Variants in SLC38A11 observed in about 807,000 individuals in gnomAD.
The protein encoded by SLC38A11 is solute carrier family 38 member 11.
In SLC38A11, 51 loss-of-function variants were observed where a neutral mutation model predicts 49.4. The ratio of observed to expected loss-of-function variants is 1.03; its 90% CI spans 0.83 to 1.30. The LOEUF (loss-of-function observed/expected upper bound fraction) is 1.30. Among genes scored for constraint, SLC38A11 ranks in the 50% most tolerant of loss-of-function variants. The probability of loss-of-function intolerance (pLI) is 0.00; values close to 1 mark genes in which losing one functional copy is unlikely to be tolerated. For synonymous variants in SLC38A11, 203 were observed against 192.9 expected, an observed-to-expected ratio of 1.05 and a Z score of -0.43; for missense variants, 574 against 556.2, an observed-to-expected ratio of 1.03 and a Z score of -0.32.
Position 164,924,916 on chromosome 2 carries a change from G to A in SLC38A11, c.618-8943C>T, listed in dbSNP as rs143119757. 3.8e-3 allele frequency among the ~76,000 whole-genome samples: 579 copies of A among 151,836 alleles called. 4 individuals are homozygous for A. Among genetic ancestry groups the A allele is most frequent in the African/African-American group, 0.013 (534 of 41,400 alleles). On this transcript the variant is annotated intron_variant, in intron 7 of 11. Coordinates refer to ENST00000685975, the MANE Select transcript of SLC38A11 (RefSeq NM_001351537.2). ...TGCCCGGCTAATTTTTTGTATCCGC[G>A]CCCAGCTAATTTTTTGTATTTTTAG...
Position 164,897,376 on chromosome 2 carries a change from C to T in SLC38A11, c.*1061G>A, listed in dbSNP as rs571599516. 1 of 152,362 alleles carries T rather than the reference C, an allele frequency of 6.6e-6. No individual in the cohort carries two copies. The highest frequency in any genetic ancestry group is 2.1e-4 in the South Asian group (1 of 4,824). 9.4% of individuals were successfully genotyped at this position (152,362 alleles called of 1,614,324 possible). On this transcript the variant is annotated 3_prime_UTR_variant, in exon 12 of 12. Transcript: ENST00000685975. Reference sequence around the variant, plus strand: ...CAGCAGTATCAAAACTGGGCTATTACCCTTGAACAGGGACAACTCTGATGG... The same window carrying T: ...CAGCAGTATCAAAACTGGGCTATTATCCTTGAACAGGGACAACTCTGATGG...
At chr2:164,911,556 T>A (rs1414857643) in intron 10 of SLC38A11, 80 bp downstream of exon 10, 1 of 651,722 alleles carries the variant, frequency 1.5e-6, no homozygotes, top group Non-Finnish European at 2.4e-6. Context: ...TTTGCCAAAC[T>A]GTATTATTTA....
intron 2 of SLC38A11, among the ~76,000 whole-genome samples, chr2:164,954,185 G>A (rs937858982): frequency 3.3e-5 from 5 of 152,050 alleles, no homozygotes; most frequent in African/African-American, 1.2e-4. Flanking sequence ...CATAAGATTG[G>A]TATGTTTTCA....
intron 11 of SLC38A11, among the ~76,000 whole-genome samples, chr2:164,907,332 G>C (rs1044600003): frequency 7.2e-6 from 1 of 138,988 alleles, no homozygotes; most frequent in Admixed American, 7.5e-5. Context: ...GGAGTGCAGT[G>C]GTGCCATCTC....
At chr2:164,946,199 T>A (rs767842726) in intron 3 of SLC38A11, among the ~76,000 whole-genome samples, 5 of 152,170 alleles carry the variant, frequency 3.3e-5, no homozygotes, top group Non-Finnish European at 7.4e-5. Context: ...TGTTTTATAA[T>A]ATAATAAAAT....
intron 1 of SLC38A11, 135 bp from the exon 2 acceptor site, chr2:164,954,880 C>A: frequency 1.8e-6 from 1 of 552,948 alleles, no homozygotes; most frequent in South Asian, 2.9e-5. Context: ...AAATAAATGC[C>A]GGGATAACAG....
intron 10 of SLC38A11, among the ~76,000 whole-genome samples, chr2:164,910,039 C>G (rs968279745): frequency 3.4e-4 from 52 of 151,952 alleles, no homozygotes; most frequent in Non-Finnish European, 1.3e-4. Flanking sequence ...GGGTAGACAG[C>G]CTTTTTAGTG....
intron 7 of SLC38A11, among the ~76,000 whole-genome samples, chr2:164,924,403 G>A (rs901673076): frequency 5.3e-5 from 8 of 152,074 alleles, no homozygotes; most frequent in African/African-American, 1.9e-4. Flanking sequence ...TAGTAATGAC[G>A]GGATCATTTG....
chr2:164,949,861 A>G (rs921175103), intron 3 of SLC38A11: 4 of 152,228 alleles, frequency 2.6e-5, no homozygotes, highest in Admixed American at 1.3e-4. Flanking sequence ...TTGGAATGAG[A>G]CTAAAAATGC....
rs1559097806 is a variant in SLC38A11, at chr2:164,915,273, G to A, written c.689C>T (p.Ala230Val). 3.2e-6 allele frequency: 5 copies of A among 1,578,670 alleles called. No individual in the cohort carries two copies. The highest frequency in any genetic ancestry group is 1.2e-5 in the South Asian group (1 of 84,346). Residue 230 changes from alanine to valine, a missense_variant and splice_region_variant, in exon 9 of 12, where the codon GCA (alanine) becomes GTA (valine). Transcript: ENST00000685975. ...GAAGGAGTTATGGTGGCAAATAAAT[G>A]CTGCAATACAAAAAAAAAGAGCATT... ...AIQAVGVMSF[A>V]FICHHNSFLV...
chr2:164,927,517 C>T (rs1686683433), intron 7 of SLC38A11, among the ~76,000 whole-genome samples: 1 of 152,054 alleles, frequency 6.6e-6, no homozygotes, highest in South Asian at 2.1e-4. Flanking sequence ...TATATGGTAG[C>T]TCCCCCAGCG....
chr2:164,932,701 A>G (rs768143771), intron 7 of SLC38A11, among the ~76,000 whole-genome samples: 33 of 152,146 alleles, frequency 2.2e-4, no homozygotes, highest in Admixed American at 3.3e-4. Context: ...ACATGGACAC[A>G]GAGAGGGGAA....
intron 8 of SLC38A11, chr2:164,915,695 T>C (rs960242981): frequency 5.9e-6 from 3 of 510,054 alleles, no homozygotes; most frequent in Non-Finnish European, 1.1e-5. Context: ...GCATGAGAAA[T>C]AGATTTCTCC....
intron 7 of SLC38A11, among the ~76,000 whole-genome samples, chr2:164,924,889 C>A (rs1686457405): frequency 6.6e-6 from 1 of 151,066 alleles, no homozygotes; most frequent in African/African-American, 2.4e-5. Context: ...CACCAGCCAC[C>A]ATGCCCGGCT....
intron 9 of SLC38A11, among the ~76,000 whole-genome samples, chr2:164,913,458 A>C (rs1685546256): frequency 6.6e-6 from 1 of 152,112 alleles, no homozygotes; most frequent in Non-Finnish European, 1.5e-5. Context: ...AGAATGCAGT[A>C]TGCACAAATT....
chr2:164,898,396 T>C lies in SLC38A11; in HGVS notation c.*41A>G. 1.4e-6 allele frequency: 2 copies of C among 1,415,586 alleles called. No homozygotes were observed. The highest frequency in any genetic ancestry group is 4.6e-5 in the East Asian group (2 of 43,476). The allele number at this position is 1,415,586 out of a possible 1,614,324, so 87.7% of individuals were successfully genotyped here. A position where few individuals can be genotyped will look rare whatever the true frequency, so the allele number is the denominator to read the frequency against. On this transcript the variant is annotated 3_prime_UTR_variant, in exon 12 of 12. Coordinates refer to ENST00000685975, the MANE Select transcript of SLC38A11 (RefSeq NM_001351537.2). ...AAAGCAAGCGTAAATGTTATGTGTT[T>C]TAAAGTCTATGAAAACATACATATT...
intron 9 of SLC38A11, 144 bp downstream of exon 9, chr2:164,914,967 AG>A (rs947558242): frequency 4.0e-5 from 26 of 644,688 alleles, no homozygotes; most frequent in African/African-American, 3.8e-4. Flanking sequence ...AACAGACAGC[AG>A]GGGGGCAGGA....
At chr2:164,940,780 A>G (rs1176514926) in intron 5 of SLC38A11, among the ~76,000 whole-genome samples, 1 of 151,004 alleles carries the variant, frequency 6.6e-6, no homozygotes, top group African/African-American at 2.4e-5. Context: ...GTGTGTATAT[A>G]TATTATATAT....
At position 164,898,203 on chromosome 2, in the gene SLC38A11, A is replaced by G. The variant is rs1056948902; in HGVS notation, c.*234T>C. The G allele has an allele frequency of 1.1e-5, 4 of 360,282 alleles. No individual in the cohort carries two copies. The highest frequency in any genetic ancestry group is 1.1e-4 in the South Asian group (2 of 18,256). The allele number at this position is 360,282 out of a possible 1,614,324, so 22.3% of individuals were successfully genotyped here. ...TAAAGGCTTAACTCTCCCTTCTTCA[A>G]TTAGCATTAGTGTAGTGCAGTCATT... On this transcript the variant is annotated 3_prime_UTR_variant, in exon 12 of 12. Transcript: ENST00000685975.
Sources: allele counts gnomAD v4.1 joint callset (sites outside exome capture counted in the v4.1 genomes callset), GRCh38; gene constraint gnomAD v4.1.1; transcripts MANE v1.5; gene names NCBI Gene and HGNC (gene_info 2026-07-23, HGNC 2026-07-21).